The following DTNB variants were observed in gnomAD, a reference collection of about 807,000 sequenced individuals.
The protein encoded by DTNB is DTN-B.
Under a neutral mutation model 90.7 loss-of-function variants are expected in DTNB, and 63 were observed. The ratio of observed to expected loss-of-function variants is 0.69; its 90% CI spans 0.57 to 0.86. The LOEUF is 0.86. Among genes scored for constraint, DTNB ranks in the 40% least tolerant of loss-of-function variants. The pLI, the probability that DTNB is intolerant of heterozygous loss-of-function variation, is 0.00. For missense variants in DTNB, 744 were observed against 807.1 expected (o/e 0.92, Z 0.95); for synonymous variants, 277 against 286.7 (o/e 0.97, Z 0.34).
chr2:25,533,979 A>C (rs1357987801), intron 8 of DTNB, among the ~76,000 whole-genome samples: 1 of 147,388 alleles, frequency 6.8e-6, no homozygotes. Flanking sequence ...TTTTTTGGAA[A>C]TGCAGCGTTT....
intron 9 of DTNB, among the ~76,000 whole-genome samples, chr2:25,531,100 T>C (rs12986634): frequency 6.6e-6 from 1 of 152,234 alleles, no homozygotes; most frequent in Non-Finnish European, 1.5e-5. Context: ...TTCCATGTTG[T>C]CTACATTAAT....
At chr2:25,475,770 T>C (rs532815547) in intron 10 of DTNB, among the ~76,000 whole-genome samples, 26 of 152,342 alleles carry the variant, frequency 1.7e-4, no homozygotes, top group Non-Finnish European at 2.9e-4. Flanking sequence ...TTTACCATTC[T>C]GAAAATTTTA....
intron 6 of DTNB, among the ~76,000 whole-genome samples, chr2:25,593,881 C>G (rs779315445): frequency 1.1e-4 from 17 of 152,196 alleles, no homozygotes; most frequent in Non-Finnish European, 2.2e-4. Context: ...AAATTCCCTT[C>G]CCCATTCCAA....
chr2:25,554,548 G>A (rs1343219345), intron 8 of DTNB, among the ~76,000 whole-genome samples: 2 of 152,082 alleles, frequency 1.3e-5, no homozygotes, highest in African/African-American at 2.4e-5. Flanking sequence ...CACTCCTCTC[G>A]TCCCAAGGAT....
chr2:25,458,250 G>C (rs2060356348), intron 10 of DTNB, among the ~76,000 whole-genome samples: 1 of 152,108 alleles, frequency 6.6e-6, no homozygotes, highest in African/African-American at 2.4e-5. Flanking sequence ...GTTCTGTTTA[G>C]AAATAACTAC....
intron 16 of DTNB, among the ~76,000 whole-genome samples, chr2:25,407,942 A>G (rs1351466836): frequency 1.3e-5 from 2 of 152,206 alleles, no homozygotes; most frequent in African/African-American, 2.4e-5. Flanking sequence ...AATATTTAAC[A>G]AAGTACCACT....
At chr2:25,558,059 GGT>G (rs2057663760) in intron 8 of DTNB, 1 of 277,206 alleles carries the variant, frequency 3.6e-6, no homozygotes, top group African/African-American at 2.3e-5. Flanking sequence ...TCAGAAAGAA[GGT>G]GTGCAAGAGA....
At chr2:25,377,654 T>G (rs1352896068) in intron 20 of DTNB, 101 bp from the exon 21 acceptor site, 1 of 152,548 alleles carries the variant, frequency 6.6e-6, no homozygotes, top group Non-Finnish European at 1.5e-5. Context: ...AGGGAGGGGC[T>G]GCTAGGATGC....
At chr2:25,526,395 A>ATATATATATATTTTTTTTTT in intron 9 of DTNB, among the ~76,000 whole-genome samples, 3 of 49,858 alleles carry the variant, frequency 6.0e-5, no homozygotes, top group African/African-American at 2.9e-4. Context: ...ATATATATAT[A>ATATATATATATTTTTTTTTT]TTTTTTTTTT....
At chr2:25,597,475 T>G (rs993881028) in intron 5 of DTNB, among the ~76,000 whole-genome samples, 18 of 152,220 alleles carry the variant, frequency 1.2e-4, no homozygotes, top group African/African-American at 4.3e-4. Context: ...GGGGAATTTA[T>G]ACTGAAGCAT....
chr2:25,553,886 G>A (rs1178697720), intron 8 of DTNB, among the ~76,000 whole-genome samples: 1 of 151,970 alleles, frequency 6.6e-6, no homozygotes, highest in Non-Finnish European at 1.5e-5. Flanking sequence ...AGCCAAGGAG[G>A]GAGCTACATA....
chr2:25,635,838 GC>G (rs999595152), intron 3 of DTNB, among the ~76,000 whole-genome samples: 1 of 152,182 alleles, frequency 6.6e-6, no homozygotes, highest in African/African-American at 2.4e-5. Context: ...GACTTGCCTT[GC>G]CTGACATCTA....
intron 8 of DTNB, among the ~76,000 whole-genome samples, chr2:25,551,269 G>C (rs751827976): frequency 5.9e-5 from 9 of 152,182 alleles, no homozygotes; most frequent in Non-Finnish European, 1.3e-4. Context: ...TCTATCCTTG[G>C]TCTTCTAAGG....
At chr2:25,409,310 G>T (rs564469796) in intron 16 of DTNB, among the ~76,000 whole-genome samples, 1 of 152,130 alleles carries the variant, frequency 6.6e-6, no homozygotes, top group Non-Finnish European at 1.5e-5. Flanking sequence ...GACCCTTCTA[G>T]GTTTATAGCC....
intron 10 of DTNB, among the ~76,000 whole-genome samples, chr2:25,459,747 G>T (rs548706813): frequency 6.6e-6 from 1 of 152,172 alleles, no homozygotes; most frequent in African/African-American, 2.4e-5. Context: ...ACCCACCTAG[G>T]CCTCCCAAAG....
Position 25,639,090 on chromosome 2 carries a change from A to G in DTNB, c.72T>C (p.Ala24=). 6.3e-7 allele frequency: 1 copy of G among 1,575,764 alleles called. No individual in the cohort carries two copies. The highest frequency in any genetic ancestry group is 1.2e-5 in the South Asian group (1 of 85,448). ...EKRQLFIEMR[A]QNFDVIRLST... ...ATAGTCGTATGACATCAAAATTCTG[A>G]GCACCTGAAAAAAGGCAAACAGAAA... is the stretch of plus-strand genomic sequence containing the variant. The change falls in exon 3 of 21, where the codon GCT becomes GCC. Residue 24 remains alanine, a synonymous_variant. Transcript: ENST00000406818.
At chr2:25,496,076 A>C (rs2068765758) in intron 9 of DTNB, among the ~76,000 whole-genome samples, 1 of 152,190 alleles carries the variant, frequency 6.6e-6, no homozygotes, top group Non-Finnish European at 1.5e-5. Context: ...ATGGAGAGGA[A>C]GCCAAATATC....
chr2:25,515,573 A>AT (rs2074927307), intron 9 of DTNB, among the ~76,000 whole-genome samples: 1 of 55,500 alleles, frequency 1.8e-5, no homozygotes, highest in Non-Finnish European at 3.3e-5. Context: ...ATATCCATGC[A>AT]TTTATTTATT....
At chr2:25,563,085 A>G (rs2058500981) in intron 8 of DTNB, among the ~76,000 whole-genome samples, 1 of 152,144 alleles carries the variant, frequency 6.6e-6, no homozygotes, top group Non-Finnish European at 1.5e-5. Flanking sequence ...TACATATTTC[A>G]CTGGTAAAAT....
Sources: gnomAD v4.1 joint callset for allele counts (sites outside exome capture counted in the v4.1 genomes callset) on GRCh38, gnomAD v4.1.1 for gene constraint, MANE v1.5 for transcripts, NCBI Gene and HGNC (gene_info 2026-07-23, HGNC 2026-07-21) for gene names.